VPS13D: variants seen among roughly 807,000 people sequenced by gnomAD.
VPS13D encodes intermembrane lipid transfer protein VPS13D.
Under a neutral mutation model 461.9 loss-of-function variants are expected in VPS13D, and 187 were observed. The observed-to-expected ratio is 0.40, with a 90% CI of 0.36 to 0.46. The LOEUF (loss-of-function observed/expected upper bound fraction) is 0.46. Among genes scored for constraint, VPS13D ranks in the 20% least tolerant of loss-of-function variants. VPS13D has a pLI of 0.60. For missense variants in VPS13D, 4,711 were observed against 5,364.9 expected (o/e 0.88, Z 3.81); for synonymous variants, 1,951 against 1,986.3 (o/e 0.98, Z 0.47).
chr1:12,372,039 G>A (rs1275761697), intron 54 of VPS13D, among the ~76,000 whole-genome samples: 1 of 151,924 alleles, frequency 6.6e-6, no homozygotes, highest in Non-Finnish European at 1.5e-5. Context: ...AACATGTGTT[G>A]GTTTTTGTTT....
chr1:12,470,991 T>A (rs1645555842), intron 67 of VPS13D, among the ~76,000 whole-genome samples: 1 of 152,214 alleles, frequency 6.6e-6, no homozygotes, highest in Admixed American at 6.5e-5. Flanking sequence ...ATATTTAGTA[T>A]CTTCTGTGCA....
intron 27 of VPS13D, among the ~76,000 whole-genome samples, chr1:12,310,797 C>CCTTCCTTCCTTCCTTCCTTCCT (rs1642716909): frequency 3.0e-4 from 34 of 114,608 alleles, no homozygotes; most frequent in Admixed American, 2.9e-3. Flanking sequence ...CCTTCCTTCC[C>CCTTCCTTCCTTCCTTCCTTCCT]TCCCTCCCTC....
At chr1:12,424,706 G>T (rs1218161077) in intron 65 of VPS13D, among the ~76,000 whole-genome samples, 1 of 152,152 alleles carries the variant, frequency 6.6e-6, no homozygotes, top group Non-Finnish European at 1.5e-5. Context: ...TCCTGTTTTT[G>T]AAACAGAAAG....
At chr1:12,345,287 T>A in intron 42 of VPS13D, 87 bp from the exon 43 acceptor site, 1 of 1,482,052 alleles carries the variant, frequency 6.7e-7, no homozygotes, top group Non-Finnish European at 9.2e-7. Context: ...ACATCATATG[T>A]ACTAAATCAG....
intron 42 of VPS13D, among the ~76,000 whole-genome samples, chr1:12,343,329 C>T (rs1265835957): frequency 6.6e-6 from 1 of 151,860 alleles, no homozygotes; most frequent in Non-Finnish European, 1.5e-5. Flanking sequence ...GATGCTCCAC[C>T]ACACCTGGCT....
intron 43 of VPS13D, among the ~76,000 whole-genome samples, chr1:12,346,273 A>G (rs1643673757): frequency 6.6e-6 from 1 of 151,984 alleles, no homozygotes; most frequent in Non-Finnish European, 1.5e-5. Flanking sequence ...TTTCTTACAA[A>G]AAAACAAAAA....
At chr1:12,332,730 T>C (rs72866684) in intron 37 of VPS13D, among the ~76,000 whole-genome samples, 1,549 of 152,292 alleles carry the variant, frequency 0.01, 30 homozygotes, top group African/African-American at 0.036. Context: ...GTGTTAGTGG[T>C]ATTATTTTAT....
intron 60 of VPS13D, among the ~76,000 whole-genome samples, chr1:12,390,822 C>T (rs897663855): frequency 6.6e-6 from 1 of 152,148 alleles, no homozygotes; most frequent in African/African-American, 2.4e-5. Context: ...TAACCTCCAT[C>T]CCTGCCACCA....
chr1:12,250,212 T>G (rs1640691090), intron 6 of VPS13D, among the ~76,000 whole-genome samples: 1 of 152,190 alleles, frequency 6.6e-6, no homozygotes, highest in Admixed American at 6.6e-5. Context: ...TTCAAAGTTT[T>G]TATGCAGCTT....
chr1:12,405,966 C>CA (rs1431806650), intron 63 of VPS13D, among the ~76,000 whole-genome samples: 8 of 152,346 alleles, frequency 5.3e-5, no homozygotes, highest in African/African-American at 1.7e-4. Flanking sequence ...CAGCCCCCCC[C>CA]AGTTACATGA....
At chr1:12,355,147 G>T (rs1321530639) in intron 47 of VPS13D, among the ~76,000 whole-genome samples, 5 of 152,238 alleles carry the variant, frequency 3.3e-5, no homozygotes, top group Admixed American at 1.3e-4. Context: ...GTGGGTTGAA[G>T]TGTGGCCCCT....
chr1:12,302,345 ATTT>A, intron 25 of VPS13D, among the ~76,000 whole-genome samples: 2 of 152,248 alleles, frequency 1.3e-5, no homozygotes, highest in Middle Eastern at 6.8e-3. Context: ...CACCAGGACC[ATTT>A]TTGTTTCTCT....
At chr1:12,492,117 A>C (rs530754803) in intron 67 of VPS13D, among the ~76,000 whole-genome samples, 10 of 152,350 alleles carry the variant, frequency 6.6e-5, no homozygotes, top group South Asian at 4.1e-4. Context: ...AGTAGCAGCA[A>C]AGGTGGTCAG....
chr1:12,380,053 G>A (rs1009271260), intron 57 of VPS13D, among the ~76,000 whole-genome samples: 1 of 152,310 alleles, frequency 6.6e-6, no homozygotes. Context: ...ACAGGCGTGA[G>A]CCACCGCGCC....
rs1485158649 is a variant in VPS13D, at chr1:12,277,240, G to T, written c.3652G>T (p.Gly1218Cys). ...GSTFDMNGSL[G>C]CLQLMDLTQD... ...CACGTTTGACATGAATGGTTCTCTT[G>T]GCTGTTTACAGCTTATGGATTTGAC... The change falls in exon 19 of 70, where the codon GGC (glycine) becomes TGC (cysteine). Residue 1218 changes from glycine (G) to cysteine (C), a missense_variant. Gly to Cys is a radical substitution (Grantham distance 159, BLOSUM62 -3). Around this residue, in one of 3 missense-constraint regions of VPS13D, gnomAD observed 4,411 missense variants for 4,937.8 expected, o/e 0.89. Coordinates refer to ENST00000620676, the MANE Select transcript of VPS13D (RefSeq NM_015378.4). The T allele has an allele frequency of 6.2e-7, 1 of 1,614,156 alleles. No individual in the cohort carries two copies. The highest frequency in any genetic ancestry group is 8.5e-7 in the Non-Finnish European group (1 of 1,180,030).
chr1:12,508,796 T>G, intron 69 of VPS13D, 97 bp from the exon 70 acceptor site: 811 of 1,297,820 alleles, frequency 6.2e-4, no homozygotes, highest in Non-Finnish European at 8.1e-4. Flanking sequence ...CATCCCATCC[T>G]GAGATGCAGC....
intron 6 of VPS13D, among the ~76,000 whole-genome samples, chr1:12,250,049 G>T (rs1640685079): frequency 6.6e-6 from 1 of 152,152 alleles, no homozygotes; most frequent in African/African-American, 2.4e-5. Flanking sequence ...TTGGTAATTT[G>T]CTAGGATGGC....
chr1:12,332,592 A>T (rs1643359083), intron 37 of VPS13D, among the ~76,000 whole-genome samples: 2 of 152,238 alleles, frequency 1.3e-5, no homozygotes, highest in South Asian at 4.1e-4. Context: ...TTAACTAAAA[A>T]TTCAAGTGAA....
chr1:12,430,398 A>G (rs762267599), intron 65 of VPS13D, among the ~76,000 whole-genome samples: 2 of 151,968 alleles, frequency 1.3e-5, no homozygotes, highest in Non-Finnish European at 2.9e-5. Flanking sequence ...TACAGCCCCA[A>G]GCTCTTTTCA....
Sources: allele counts gnomAD v4.1 joint callset (sites outside exome capture counted in the v4.1 genomes callset), GRCh38; gene constraint gnomAD v4.1.1; regional missense constraint gnomAD v4.1.1; transcripts MANE v1.5; gene names NCBI Gene and HGNC (gene_info 2026-07-23, HGNC 2026-07-21).